Variants in PRR5L observed in about 807,000 individuals in gnomAD.
The protein encoded by PRR5L is proline rich 5 like.
Under a neutral mutation model 36.4 loss-of-function variants are expected in PRR5L, and 21 were observed. The observed-to-expected ratio is 0.58, with a 90% confidence interval of 0.41 to 0.83. The LOEUF (loss-of-function observed/expected upper bound fraction) is 0.83. PRR5L is among the 40% of genes least tolerant of loss of function. PRR5L has a pLI of 0.00. For missense variants in PRR5L, 381 were observed against 473.3 expected, an observed-to-expected ratio of 0.80 and a Z score of 1.81; for synonymous variants, 188 against 197.0, an observed-to-expected ratio of 0.95 and a Z score of 0.38.
chr11:36,461,401 T>C (rs1437079394), intron 8 of PRR5L, among the ~76,000 whole-genome samples: 2 of 152,050 alleles, frequency 1.3e-5, no homozygotes, highest in Non-Finnish European at 2.9e-5. Context: ...GGCGGGTGGA[T>C]CACCTGAGGT....
intron 1 of PRR5L, chr11:36,388,123 T>C (rs1438393519): frequency 1.3e-5 from 2 of 152,248 alleles, no homozygotes; most frequent in Non-Finnish European, 2.9e-5. Context: ...TTATGATGCA[T>C]AGCGCAGAAA....
Position 36,318,932 on chromosome 11 carries a change from C to G in PRR5L, c.-126+22494C>G, listed in dbSNP as rs188389647. Among the ~76,000 whole-genome samples the G allele has an allele frequency of 4.0e-3, 612 of 152,250 alleles. 10 individuals are homozygous for G. The highest frequency in any genetic ancestry group is 3.7e-3 in the Non-Finnish European group (251 of 68,026). On this transcript the variant is annotated intron_variant, in intron 1 of 8. Transcript: ENST00000530639. ...AGCTTGGCCTGATGAGAACTGATTT[C>G]CTTGACTTTTCTCGATTTTTTACTA...
chr11:36,361,300 A>T (rs1857085376), intron 1 of PRR5L, among the ~76,000 whole-genome samples: 1 of 152,216 alleles, frequency 6.6e-6, no homozygotes, highest in Non-Finnish European at 1.5e-5. Flanking sequence ...GATTTGCAGA[A>T]ATAAAAAACA....
chr11:36,403,991 G>A (rs1473992256), intron 3 of PRR5L, among the ~76,000 whole-genome samples: 1 of 152,214 alleles, frequency 6.6e-6, no homozygotes, highest in South Asian at 2.1e-4. Flanking sequence ...TTTTGTCAAG[G>A]AGGCCAGGAA....
At chr11:36,416,608 G>C (rs1858148060) in intron 3 of PRR5L, among the ~76,000 whole-genome samples, 1 of 152,174 alleles carries the variant, frequency 6.6e-6, no homozygotes, top group Non-Finnish European at 1.5e-5. Context: ...TCTAGCTTCA[G>C]AGTCCTTTCT....
At chr11:36,456,767 T>C (rs919597986) in intron 8 of PRR5L, among the ~76,000 whole-genome samples, 6 of 152,254 alleles carry the variant, frequency 3.9e-5, no homozygotes, top group Admixed American at 3.3e-4. Flanking sequence ...GCTTAGTAAA[T>C]AGTTCCTCCT....
At chr11:36,357,787 A>T (rs1366045008) in intron 1 of PRR5L, among the ~76,000 whole-genome samples, 1 of 152,246 alleles carries the variant, frequency 6.6e-6, no homozygotes, top group Non-Finnish European at 1.5e-5. Context: ...ATAAAGATGT[A>T]CAAGGAGATT....
At chr11:36,386,119 G>T (rs1857452319) in intron 1 of PRR5L, among the ~76,000 whole-genome samples, 1 of 152,022 alleles carries the variant, frequency 6.6e-6, no homozygotes, top group Non-Finnish European at 1.5e-5. Flanking sequence ...AACACAGCAA[G>T]ACCTGTCTCT....
chr11:36,427,327 A>C (rs1042249255), intron 4 of PRR5L, among the ~76,000 whole-genome samples: 1 of 152,044 alleles, frequency 6.6e-6, no homozygotes, highest in Non-Finnish European at 1.5e-5. Context: ...CCCAGTTCCA[A>C]GTCCCAAGTT....
intron 1 of PRR5L, among the ~76,000 whole-genome samples, chr11:36,374,448 TA>T (rs529818269): frequency 4.5e-4 from 65 of 144,356 alleles, no homozygotes; most frequent in Admixed American, 6.9e-4. Context: ...TAGATGCTAT[TA>T]AAAAAAAAAA....
At chr11:36,357,023 GA>G (rs1301075626) in intron 1 of PRR5L, among the ~76,000 whole-genome samples, 1 of 152,160 alleles carries the variant, frequency 6.6e-6, no homozygotes, top group Non-Finnish European at 1.5e-5. Context: ...GAATGCAAAG[GA>G]AAAGTTCTTG....
At chr11:36,298,062 T>C (rs933948515) in intron 1 of PRR5L, among the ~76,000 whole-genome samples, 2 of 152,196 alleles carry the variant, frequency 1.3e-5, no homozygotes, top group Non-Finnish European at 2.9e-5. Flanking sequence ...TTTCTCATCT[T>C]TGGGGATCTC....
rs138696914 is a variant in PRR5L, at chr11:36,303,804, A to G, written c.-126+7366A>G. Among the ~76,000 whole-genome samples the G allele has an allele frequency of 5.8e-3, 888 of 152,328 alleles. 11 individuals are homozygous for G. Among genetic ancestry groups the G allele is most frequent in the African/African-American group, 0.02 (814 of 41,566 alleles). ...GAAAAAACAATAGAACGAACAATAC[A>G]TGGTCATGTCCCTCTAATCCTTATT... On this transcript the variant is annotated intron_variant, in intron 1 of 8. Transcript: ENST00000530639.
At chr11:36,316,525 T>C (rs1036721540) in intron 1 of PRR5L, among the ~76,000 whole-genome samples, 4 of 151,974 alleles carry the variant, frequency 2.6e-5, no homozygotes, top group Non-Finnish European at 5.9e-5. Context: ...ATTGGTGAGG[T>C]TGGAAATGGA....
intron 1 of PRR5L, among the ~76,000 whole-genome samples, chr11:36,340,057 T>G (rs7114403): frequency 1.3e-5 from 2 of 151,600 alleles, no homozygotes; most frequent in East Asian, 3.9e-4. Context: ...GCTGTGTTTC[T>G]GTGTACAGCT....
Position 36,464,976 on chromosome 11 carries a change from ATTGATGTTTATGG to A in PRR5L, c.*2242_*2254del, listed in dbSNP as rs948354005. 1 of 152,172 alleles carries A rather than the reference ATTGATGTTTATGG, an allele frequency of 6.6e-6. No homozygotes were observed. The highest frequency in any genetic ancestry group is 1.5e-5 in the Non-Finnish European group (1 of 68,020). The allele number at this position is 152,172 out of a possible 1,614,324, so 9.4% of individuals were successfully genotyped here. ...ATAGACTGTACCTATAAAAAATTTT[ATTGATGTTTATGG>A]TCATGTTAGCTATCAGAGAGCTATT... On this transcript the variant is annotated 3_prime_UTR_variant, in exon 9 of 9. Transcript: ENST00000530639.
chr11:36,377,798 G>A lies in PRR5L; in HGVS notation c.-125-23199G>A, dbSNP rs1028147344. ...ATTACTGCGATGCGCCCCACAAGAC[G>A]AAAGGTTCACGCGCTGCGTCTGAGC... On this transcript the variant is annotated intron_variant, in intron 1 of 8. Transcript: ENST00000530639. This position sits in a 1 kb window ranked among gnomAD's most constrained non-coding sequence, Gnocchi z 5.1. The A allele has an allele frequency of 2.0e-5, 3 of 152,226 alleles. No individual in the cohort carries two copies. The highest frequency in any genetic ancestry group is 4.8e-5 in the African/African-American group (2 of 41,438). 9.4% of individuals were successfully genotyped at this position (152,226 alleles called of 1,614,324 possible).
chr11:36,364,451 T>C (rs963926293), intron 1 of PRR5L, among the ~76,000 whole-genome samples: 4 of 152,156 alleles, frequency 2.6e-5, no homozygotes, highest in African/African-American at 9.7e-5. Context: ...AGAGGTTAAG[T>C]CACCTCACCC....
intron 1 of PRR5L, among the ~76,000 whole-genome samples, chr11:36,380,925 G>A (rs1415686404): frequency 1.3e-5 from 2 of 152,232 alleles, no homozygotes; most frequent in African/African-American, 4.8e-5. Flanking sequence ...GTGGAGAGCA[G>A]TAGAAATCCA....
Sources: allele counts gnomAD v4.1 joint callset (sites outside exome capture counted in the v4.1 genomes callset), GRCh38; gene constraint gnomAD v4.1.1; non-coding constraint Gnocchi (gnomAD v3.1); transcripts MANE v1.5; gene names NCBI Gene and HGNC (gene_info 2026-07-23, HGNC 2026-07-21).